The following TMEM232 variants were observed in gnomAD, a reference collection of about 807,000 sequenced individuals.
TMEM232 encodes the protein transmembrane protein 232.
In TMEM232, 80 loss-of-function variants were observed where a neutral mutation model predicts 78.8. That is an observed-to-expected ratio of 1.01 (90% confidence interval 0.85 to 1.22). The LOEUF (loss-of-function observed/expected upper bound fraction) is 1.22, where lower values mean the gene tolerates loss of function less well. TMEM232 is among the 50% of genes most tolerant of loss of function. The pLI, the probability that TMEM232 is intolerant of heterozygous loss-of-function variation, is 0.00. For synonymous variants in TMEM232, 297 were observed against 254.3 expected, an observed-to-expected ratio of 1.17 and a Z score of -1.60; for missense variants, 881 against 742.2, an observed-to-expected ratio of 1.19 and a Z score of -2.17.
intron 2 of TMEM232, among the ~76,000 whole-genome samples, chr5:110,399,364 C>T (rs984361208): frequency 3.3e-5 from 5 of 152,106 alleles, no homozygotes; most frequent in African/African-American, 1.2e-4. Flanking sequence ...GTTAACTCTC[C>T]TCCGAAGTTT....
chr5:110,503,454 T>G (rs1284432978), intron 12 of TMEM232, among the ~76,000 whole-genome samples: 1 of 152,184 alleles, frequency 6.6e-6, no homozygotes, highest in African/African-American at 2.4e-5. Flanking sequence ...GAAATATTTA[T>G]AAATCCACTT....
chr5:110,684,236 T>C (rs1257890525), intron 1 of TMEM232, among the ~76,000 whole-genome samples: 1 of 151,826 alleles, frequency 6.6e-6, no homozygotes, highest in African/African-American at 2.4e-5. Context: ...AGAAAAAGAA[T>C]AAAGAATATA....
intron 2 of TMEM232, among the ~76,000 whole-genome samples, chr5:110,644,470 C>T (rs1013061412): frequency 6.6e-6 from 1 of 151,736 alleles, no homozygotes; most frequent in African/African-American, 2.4e-5. Flanking sequence ...GATTGCTTCC[C>T]AACATTACTG....
chr5:110,638,779 C>A (rs919160782), intron 4 of TMEM232, among the ~76,000 whole-genome samples: 1 of 152,114 alleles, frequency 6.6e-6, no homozygotes, highest in East Asian at 1.9e-4. Flanking sequence ...TCCAAGGGGG[C>A]TCAGCTATTA....
intron 8 of TMEM232, among the ~76,000 whole-genome samples, chr5:110,607,487 T>C (rs1781662996): frequency 6.6e-6 from 1 of 152,048 alleles, no homozygotes; most frequent in South Asian, 2.1e-4. Context: ...AAAATGGCAA[T>C]ATGCTCAATT....
chr5:110,490,149 GA>G (rs1388522497), intron 12 of TMEM232, among the ~76,000 whole-genome samples: 3 of 127,296 alleles, frequency 2.4e-5, no homozygotes, highest in Non-Finnish European at 4.8e-5. Flanking sequence ...AAGAAAGAAA[GA>G]AAGAAAGAAA....
intron 5 of TMEM232, among the ~76,000 whole-genome samples, chr5:110,633,719 T>C (rs1280357599): frequency 2.0e-5 from 3 of 152,178 alleles, no homozygotes; most frequent in South Asian, 2.1e-4. Flanking sequence ...CACGCAGAAC[T>C]GTGAGTCAAT....
intron 10 of TMEM232, among the ~76,000 whole-genome samples, chr5:110,569,332 A>T (rs1776677401): frequency 1.3e-5 from 2 of 151,904 alleles, no homozygotes; most frequent in African/African-American, 2.4e-5. Flanking sequence ...TCTTTATAGT[A>T]ATTATTTCTT....
chr5:110,712,925 G>A (rs916701337), intron 1 of TMEM232, among the ~76,000 whole-genome samples: 1 of 151,958 alleles, frequency 6.6e-6, no homozygotes, highest in East Asian at 1.9e-4. Flanking sequence ...CCCCAAAGAA[G>A]GGAAATTAGT....
chr5:110,655,048 A>G (rs557028219), intron 2 of TMEM232, among the ~76,000 whole-genome samples: 81 of 152,276 alleles, frequency 5.3e-4, no homozygotes, highest in African/African-American at 1.9e-3. Context: ...GCCAAAATTG[A>G]CAAATGGGAT....
chr5:110,607,089 C>T (rs1781629520), intron 8 of TMEM232, among the ~76,000 whole-genome samples: 1 of 151,954 alleles, frequency 6.6e-6, no homozygotes, highest in Non-Finnish European at 1.5e-5. Context: ...AGGTCATCAT[C>T]ATTTTCTAAA....
At chr5:110,690,203 TACA>T (rs1793936809) in intron 1 of TMEM232, among the ~76,000 whole-genome samples, 1 of 152,154 alleles carries the variant, frequency 6.6e-6, no homozygotes, top group South Asian at 2.1e-4. Context: ...ACAGGCAACC[TACA>T]GAATGGAATA....
chr5:110,721,981 A>G (rs1293737500), intron 1 of TMEM232, among the ~76,000 whole-genome samples: 2 of 151,722 alleles, frequency 1.3e-5, no homozygotes, highest in Non-Finnish European at 2.9e-5. Flanking sequence ...TAAAAATATT[A>G]TTTCTGCAGC....
At chr5:110,423,676 A>T (rs1310891985) in intron 13 of TMEM232, among the ~76,000 whole-genome samples, 2 of 152,016 alleles carry the variant, frequency 1.3e-5, no homozygotes, top group African/African-American at 4.8e-5. Context: ...AAAAAGGAAA[A>T]GATGATGGAT....
At chr5:110,705,752 G>GTA in intron 1 of TMEM232, among the ~76,000 whole-genome samples, 1 of 122,232 alleles carries the variant, frequency 8.2e-6, no homozygotes, top group South Asian at 2.4e-4. Context: ...GTGTGTGTGT[G>GTA]TATGTGTGTG....
At chr5:110,480,634 T>C (rs953177102) in intron 12 of TMEM232, among the ~76,000 whole-genome samples, 2 of 152,072 alleles carry the variant, frequency 1.3e-5, no homozygotes, top group Non-Finnish European at 2.9e-5. Context: ...GGGAACTGTG[T>C]GTTTGAACTG....
intron 5 of TMEM232, 75 bp from the exon 6 acceptor site, chr5:110,627,955 C>A: frequency 1.0e-6 from 1 of 992,624 alleles, no homozygotes; most frequent in Non-Finnish European, 1.5e-6. Flanking sequence ...AAAAATCAAC[C>A]ATTATATTAT....
At chr5:110,530,185 T>C (rs551182675) in intron 11 of TMEM232, among the ~76,000 whole-genome samples, 5 of 152,116 alleles carry the variant, frequency 3.3e-5, no homozygotes, top group Non-Finnish European at 7.4e-5. Flanking sequence ...AGAAAATGAG[T>C]ACAGTCTCAG....
At chr5:110,732,945 G>A (rs374787704) in intron 2 of TMEM232, among the ~76,000 whole-genome samples, 3 of 152,088 alleles carry the variant, frequency 2.0e-5, no homozygotes, top group African/African-American at 7.2e-5. Flanking sequence ...CTAATATCCA[G>A]TATCTACAAG....
Sources: gnomAD v4.1 joint callset for allele counts (sites outside exome capture counted in the v4.1 genomes callset) on GRCh38, gnomAD v4.1.1 for gene constraint, MANE v1.5 for transcripts, NCBI Gene and HGNC (gene_info 2026-07-23, HGNC 2026-07-21) for gene names.